Variants in LZTFL1 observed in about 807,000 individuals in gnomAD.
LZTFL1 encodes the protein leucine zipper transcription factor-like protein 1.
LZTFL1 carries 25 observed loss-of-function variants against 45.9 expected under a neutral mutation model. The observed-to-expected ratio is 0.54, with a 90% CI of 0.40 to 0.76. The LOEUF is 0.76. Ranked by LOEUF, LZTFL1 falls within the 30% of genes least tolerant of loss-of-function variation. The pLI, the probability that LZTFL1 is intolerant of heterozygous loss-of-function variation, is 0.00. For missense variants in LZTFL1, 277 were observed against 331.1 expected, an observed-to-expected ratio of 0.84 and a Z score of 1.27; for synonymous variants, 93 against 117.4, an observed-to-expected ratio of 0.79 and a Z score of 1.35.
intron 4 of LZTFL1, among the ~76,000 whole-genome samples, chr3:45,853,655 A>G (rs1701341752): frequency 6.6e-6 from 1 of 152,148 alleles, no homozygotes; most frequent in Non-Finnish European, 1.5e-5. Context: ...AAGCTCCATC[A>G]ATTATCCCTT....
At chr3:45,885,101 C>T (rs1701945504) in intron 2 of LZTFL1, among the ~76,000 whole-genome samples, 1 of 152,178 alleles carries the variant, frequency 6.6e-6, no homozygotes, top group South Asian at 2.1e-4. Context: ...AGACAATAAA[C>T]CCAAGTGCAC....
chr3:45,842,172 T>A (rs1701138545), upstream of LZTFL1: 2 of 1,469,626 alleles, frequency 1.4e-6, no homozygotes, highest in East Asian at 5.0e-5. Flanking sequence ...TTTTCATTGG[T>A]CCTCAGGATC....
At chr3:45,864,971 T>G (rs1350521514) in intron 2 of LZTFL1, among the ~76,000 whole-genome samples, 1 of 152,090 alleles carries the variant, frequency 6.6e-6, no homozygotes, top group Non-Finnish European at 1.5e-5. Context: ...CCAGAACAAA[T>G]GGTGGGCCTG....
intron 2 of LZTFL1, among the ~76,000 whole-genome samples, chr3:45,888,552 T>A (rs1399743820): frequency 1.3e-5 from 2 of 152,204 alleles, no homozygotes; most frequent in Non-Finnish European, 2.9e-5. Context: ...GTTCGATGGA[T>A]GGCCCATGGC....
rs1004712634 is a variant in LZTFL1 at position 45,894,841 on chromosome 3, T to C, written c.-215+18279A>G. 5.5e-6 allele frequency: 6 copies of C among 1,098,006 alleles called. No homozygotes were observed. In the African/African-American group the frequency reaches 6.2e-5, roughly 11 times the overall value. 68.0% of individuals were successfully genotyped at this position (1,098,006 alleles called of 1,614,324 possible). Reference sequence around the variant, plus strand: ...ATTTAAAATTTAATCTCCATCTTTTTGGCATTTGGTTGTTACTATTCGTTT... The same window carrying C: ...ATTTAAAATTTAATCTCCATCTTTTCGGCATTTGGTTGTTACTATTCGTTT... On this transcript the variant is annotated intron_variant, in intron 2 of 4. Transcript: ENST00000472635.
At chr3:45,906,838 T>A (rs950811391) in intron 2 of LZTFL1, among the ~76,000 whole-genome samples, 2 of 152,228 alleles carry the variant, frequency 1.3e-5, no homozygotes, top group Non-Finnish European at 2.9e-5. Context: ...AACCTTAGAA[T>A]TCCTGCTGTT....
intron 4 of LZTFL1, among the ~76,000 whole-genome samples, chr3:45,852,535 C>T (rs1177307940): frequency 6.6e-6 from 1 of 152,024 alleles, no homozygotes; most frequent in Non-Finnish European, 1.5e-5. Flanking sequence ...GAAAAATTTC[C>T]ATAGTATATA....
chr3:45,913,292 T>G, intron 1 of LZTFL1: 2 of 724,232 alleles, frequency 2.8e-6, no homozygotes, highest in Non-Finnish European at 2.2e-6. Context: ...TGCCACAACC[T>G]AAAGATCCTT....
chr3:45,902,162 C>A (rs1044541340), intron 2 of LZTFL1: 2 of 356,554 alleles, frequency 5.6e-6, no homozygotes, highest in East Asian at 4.7e-5. Context: ...GTGGAGCACC[C>A]TGGCTTTGCC....
rs1176278360 is a variant in LZTFL1, at chr3:45,823,446, A to G, written c.*2868T>C. 1 of 152,244 alleles carries G rather than the reference A, an allele frequency of 6.6e-6. No individual in the cohort carries two copies. Among genetic ancestry groups the G allele is most frequent in the East Asian group, 1.9e-4 (1 of 5,204 alleles). 9.4% of individuals were successfully genotyped at this position (152,244 alleles called of 1,614,324 possible). ...CTGTTCACATCAATTCATGTTTTAC[A>G]ATAGGCAATAACAGCTACACGCTTA... On this transcript the variant is annotated 3_prime_UTR_variant, in exon 10 of 10. Transcript: ENST00000296135.
chr3:45,850,829 A>G (rs577273828), intron 4 of LZTFL1, among the ~76,000 whole-genome samples: 1 of 152,176 alleles, frequency 6.6e-6, no homozygotes, highest in Non-Finnish European at 1.5e-5. Context: ...CCCTCCCTCA[A>G]TGAAGCTCTT....
At chr3:45,889,301 C>T (rs1027747382) in intron 2 of LZTFL1, among the ~76,000 whole-genome samples, 2 of 148,796 alleles carry the variant, frequency 1.3e-5, no homozygotes, top group African/African-American at 4.9e-5. Flanking sequence ...TATATATTAC[C>T]TTTAAAAAAA....
chr3:45,915,641 G>C (rs1206372640), exon 1 of LZTFL1: 1 of 385,644 alleles, frequency 2.6e-6, no homozygotes, highest in African/African-American at 2.1e-5. Flanking sequence ...TCATTTTTTA[G>C]CTAAAAAAGA....
At chr3:45,910,256 G>T (rs1253097558) in intron 2 of LZTFL1, among the ~76,000 whole-genome samples, 5 of 152,300 alleles carry the variant, frequency 3.3e-5, no homozygotes, top group African/African-American at 1.2e-4. Flanking sequence ...TGGTGGCGGA[G>T]TTGGAGTGAC....
chr3:45,839,705 T>C (rs1356147257), intron 1 of LZTFL1, among the ~76,000 whole-genome samples: 5 of 152,216 alleles, frequency 3.3e-5, no homozygotes, highest in Non-Finnish European at 7.4e-5. Flanking sequence ...CTGATTTCCA[T>C]GGCATAAATA....
rs1702573844 is a variant in LZTFL1, at chr3:45,901,919, T to A, written c.-215+11201A>T. 2 of 1,531,882 alleles carry A rather than the reference T, an allele frequency of 1.3e-6. No homozygotes were observed. The highest frequency in any genetic ancestry group is 4.3e-5 in the Admixed American group (2 of 46,990). 94.9% of individuals were successfully genotyped at this position (1,531,882 alleles called of 1,614,324 possible). A position where few individuals can be genotyped will look rare whatever the true frequency, so the allele number is the denominator to read the frequency against. On this transcript the variant is annotated intron_variant, in intron 2 of 4. Transcript: ENST00000472635. This position sits in a 1 kb window ranked among gnomAD's most constrained non-coding sequence, Gnocchi z 4.3. ...TCTGAGGGGTCTTCTCTGAGGTGCA[T>A]GGTTCTTTTGGAAGAAATGAGAAAT...
chr3:45,893,138 C>T (rs892939799), intron 2 of LZTFL1, among the ~76,000 whole-genome samples: 4 of 151,846 alleles, frequency 2.6e-5, no homozygotes, highest in Admixed American at 1.3e-4. Flanking sequence ...CCACACTCCC[C>T]TTCCCTCTCT....
At position 45,838,005 on chromosome 3, in the gene LZTFL1, T is replaced by C; in HGVS notation, c.50A>G (p.Tyr17Cys). 1.2e-6 allele frequency: 2 copies of C among 1,613,238 alleles called. No individual in the cohort carries two copies. The highest frequency in any genetic ancestry group is 1.7e-6 in the Non-Finnish European group (2 of 1,179,784). ...TCTCTTTGAACGAGCAAAACGCATA[T>C]AATTAATAACTTCATTTTGATGGTG... ...NEHHQNEVIN[Y>C]MRFARSKRGL... Residue 17 changes from tyrosine to cysteine, a missense_variant, in exon 2 of 10, where the codon TAT (tyrosine) becomes TGT (cysteine). Transcript: ENST00000296135.
intron 2 of LZTFL1, among the ~76,000 whole-genome samples, chr3:45,887,108 A>G (rs929965810): frequency 2.0e-5 from 3 of 152,178 alleles, no homozygotes; most frequent in African/African-American, 7.2e-5. Context: ...TAGACAATGG[A>G]ATACACAGCA....
Sources: gnomAD v4.1 joint callset for allele counts (sites outside exome capture counted in the v4.1 genomes callset) on GRCh38, gnomAD v4.1.1 for gene constraint, Gnocchi (gnomAD v3.1) non-coding constraint, MANE v1.5 for transcripts, NCBI Gene and HGNC (gene_info 2026-07-23, HGNC 2026-07-21) for gene names.